The following TJP1 variants were observed in gnomAD, a reference collection of about 807,000 sequenced individuals.
TJP1 encodes tight junction protein ZO-1.
A neutral mutation model predicts 194.2 loss-of-function variants in TJP1; 43 were observed. That is an observed-to-expected ratio of 0.22 (90% CI 0.17 to 0.29). TJP1 has a LOEUF of 0.29. Ranked by LOEUF, TJP1 falls within the 10% of genes least tolerant of loss-of-function variation. The pLI is 1.00. For missense variants in TJP1, 1,971 were observed against 2,185.7 expected, an observed-to-expected ratio of 0.90 and a Z score of 1.96; for synonymous variants, 801 against 779.0, an observed-to-expected ratio of 1.03 and a Z score of -0.47.
At chr15:29,764,981 A>T (rs1236631883) in intron 5 of TJP1, among the ~76,000 whole-genome samples, 1 of 152,194 alleles carries the variant, frequency 6.6e-6, no homozygotes, top group Non-Finnish European at 1.5e-5. Context: ...GGAAAAAAAG[A>T]TTCTAGGAGA....
rs1165411024 is a variant in TJP1 at position 29,822,101 on chromosome 15, C to G, written c.-73G>C. On this transcript the variant is annotated 5_prime_UTR_variant, in exon 1 of 28. Coordinates refer to ENST00000614355, the MANE Select transcript of TJP1 (RefSeq NM_001330239.4). ...GCGGCGCTGGCCCGCCCGCTCCTCA[C>G]GCCACAGCCCAAATAAACATCTCCC... 1.6e-6 allele frequency: 2 copies of G among 1,233,764 alleles called. No homozygotes were observed. The highest frequency in any genetic ancestry group is 2.0e-6 in the Non-Finnish European group (2 of 986,634). The allele number at this position is 1,233,764 out of a possible 1,614,324, so 76.4% of individuals were successfully genotyped here.
At chr15:29,720,185 G>T in intron 19 of TJP1, 169 bp from the exon 20 acceptor site, 2 of 1,133,918 alleles carry the variant, frequency 1.8e-6, no homozygotes, top group African/African-American at 1.6e-5. Context: ...ACATTGCTGT[G>T]TTAAGACAAA....
At chr15:29,835,816 C>T (rs1167256391) in intron 2 of TJP1, among the ~76,000 whole-genome samples, 1 of 152,092 alleles carries the variant, frequency 6.6e-6, no homozygotes, top group Non-Finnish European at 1.5e-5. Flanking sequence ...CAACATTTAG[C>T]ATACTTTTCG....
At chr15:29,716,106 T>A (rs1566877530) in intron 23 of TJP1, among the ~76,000 whole-genome samples, 1 of 152,306 alleles carries the variant, frequency 6.6e-6, no homozygotes. Flanking sequence ...AGGGAAAAGA[T>A]GACTGGGAGT....
At chr15:29,750,972 C>G (rs2045237721) in intron 8 of TJP1, among the ~76,000 whole-genome samples, 1 of 152,318 alleles carries the variant, frequency 6.6e-6, no homozygotes, top group African/African-American at 2.4e-5. Context: ...AGGAAAATTT[C>G]AGCCTGGAAG....
intron 2 of TJP1, among the ~76,000 whole-genome samples, chr15:29,862,242 TAAC>T (rs1388505724): frequency 6.6e-6 from 1 of 152,038 alleles, no homozygotes; most frequent in Non-Finnish European, 1.5e-5. Context: ...TCAATAATAA[TAAC>T]AACAAAAAAA....
At chr15:29,919,938 A>G (rs963252449) in intron 2 of TJP1, among the ~76,000 whole-genome samples, 1 of 152,258 alleles carries the variant, frequency 6.6e-6, no homozygotes, top group East Asian at 1.9e-4. Flanking sequence ...GAGAGATGGG[A>G]CCCCAGAAGA....
chr15:29,936,449 G>T (rs961413620), intron 2 of TJP1, among the ~76,000 whole-genome samples: 1 of 152,030 alleles, frequency 6.6e-6, no homozygotes, highest in Non-Finnish European at 1.5e-5. Context: ...TGTTTCTTCA[G>T]CCCCAGAACC....
intron 17 of TJP1, 105 bp downstream of exon 17, chr15:29,726,676 G>C: frequency 8.0e-7 from 1 of 1,248,592 alleles, no homozygotes; most frequent in Non-Finnish European, 1.1e-6. Flanking sequence ...AGCTTTCCAA[G>C]AAAGTATCAT....
intron 2 of TJP1, among the ~76,000 whole-genome samples, chr15:29,774,968 G>A (rs2046924164): frequency 6.6e-6 from 1 of 152,102 alleles, no homozygotes; most frequent in Admixed American, 6.6e-5. Context: ...CAACTGCAGT[G>A]TGAAAATTTT....
chr15:29,914,877 C>T (rs200270369), intron 2 of TJP1, among the ~76,000 whole-genome samples: 7,080 of 127,320 alleles, frequency 0.056, 201 homozygotes, highest in South Asian at 0.13. Flanking sequence ...CACACACACA[C>T]GCACGCACAC....
intron 1 of TJP1, among the ~76,000 whole-genome samples, chr15:29,813,208 G>T (rs992685754): frequency 1.3e-5 from 2 of 152,018 alleles, no homozygotes; most frequent in Non-Finnish European, 2.9e-5. Context: ...ACATACTTTA[G>T]TATGACAAAC....
intron 1 of TJP1, among the ~76,000 whole-genome samples, chr15:29,813,516 A>G (rs929750549): frequency 3.9e-5 from 6 of 152,176 alleles, no homozygotes; most frequent in Admixed American, 3.9e-4. Context: ...CCACAACATA[A>G]TCTTACAAAC....
At chr15:29,712,649 A>G (rs772564587) in intron 23 of TJP1, among the ~76,000 whole-genome samples, 137 of 152,156 alleles carry the variant, frequency 9.0e-4, no homozygotes, top group Non-Finnish European at 1.4e-3. Context: ...TCCTTCATGT[A>G]CTTTAACTGT....
intron 2 of TJP1, among the ~76,000 whole-genome samples, chr15:29,925,659 C>T (rs1483324307): frequency 6.6e-6 from 1 of 152,172 alleles, no homozygotes; most frequent in Non-Finnish European, 1.5e-5. Flanking sequence ...CACACTGAGT[C>T]AGCAGGCTCC....
At chr15:29,864,710 G>C (rs1477836390) in intron 2 of TJP1, among the ~76,000 whole-genome samples, 2 of 152,130 alleles carry the variant, frequency 1.3e-5, no homozygotes, top group Non-Finnish European at 1.5e-5. Flanking sequence ...GGGCCTGGCA[G>C]GAACAGGCTT....
At chr15:29,728,926 ACTC>A (rs796528069) in intron 15 of TJP1, 8 of 152,216 alleles carry the variant, frequency 5.3e-5, no homozygotes, top group African/African-American at 9.6e-5. Flanking sequence ...AATGCTACTA[ACTC>A]CTCAACTCAA....
intron 2 of TJP1, among the ~76,000 whole-genome samples, chr15:29,794,756 T>A (rs1369775118): frequency 6.6e-6 from 1 of 152,180 alleles, no homozygotes; most frequent in African/African-American, 2.4e-5. Context: ...AAAGATGTAA[T>A]GTGGTAATAG....
intron 2 of TJP1, among the ~76,000 whole-genome samples, chr15:29,798,783 G>A (rs535641580): frequency 6.6e-6 from 1 of 152,236 alleles, no homozygotes; most frequent in East Asian, 1.9e-4. Context: ...ACTGGAGAAC[G>A]AACACACAAT....
Sources: allele counts gnomAD v4.1 joint callset (sites outside exome capture counted in the v4.1 genomes callset), GRCh38; gene constraint gnomAD v4.1.1; transcripts MANE v1.5; gene names NCBI Gene and HGNC (gene_info 2026-07-23, HGNC 2026-07-21).